IL6ST: variants seen among roughly 807,000 people sequenced by gnomAD.
The protein encoded by IL6ST is interleukin 6 cytokine family signal transducer, also known as interleukin-6 receptor subunit beta.
A neutral mutation model predicts 91.3 loss-of-function variants in IL6ST; 24 were observed. The ratio of observed to expected loss-of-function variants is 0.26; its 90% CI spans 0.19 to 0.37. The LOEUF is 0.37. Ranked by LOEUF, IL6ST falls within the 10% of genes least tolerant of loss-of-function variation. IL6ST has a pLI of 1.00. For synonymous variants in IL6ST, 351 were observed against 373.6 expected, an observed-to-expected ratio of 0.94 and a Z score of 0.70; for missense variants, 914 against 1,078.5, an observed-to-expected ratio of 0.85 and a Z score of 2.14.
intron 5 of IL6ST, among the ~76,000 whole-genome samples, chr5:55,965,975 G>A (rs945974768): frequency 7.9e-5 from 12 of 152,212 alleles, no homozygotes; most frequent in African/African-American, 2.6e-4. Flanking sequence ...GAGGATACTA[G>A]GGAATCAACT....
At chr5:55,947,464 A>T in intron 15 of IL6ST, 29 bp downstream of exon 15, 1 of 1,237,506 alleles carries the variant, frequency 8.1e-7, no homozygotes, top group Non-Finnish European at 1.2e-6. Context: ...GCTGGGGGAA[A>T]ATGCAAAAAT....
intron 1 of IL6ST, among the ~76,000 whole-genome samples, chr5:55,987,347 G>A (rs1426766174): frequency 6.6e-6 from 1 of 152,138 alleles, no homozygotes; most frequent in Non-Finnish European, 1.5e-5. Flanking sequence ...CAAGTATTTA[G>A]CCTAAAATAA....
chr5:55,949,829 TATC>T (rs1229689832), intron 14 of IL6ST, among the ~76,000 whole-genome samples: 3 of 152,206 alleles, frequency 2.0e-5, no homozygotes, highest in Non-Finnish European at 4.4e-5. Flanking sequence ...ATTTACTACT[TATC>T]ATTAACTAGG....
rs11574768 is a variant in IL6ST, at chr5:55,968,836, A to C, written c.371-440T>G. Among the ~76,000 whole-genome samples the C allele has an allele frequency of 1.0e-3, 152 of 152,310 alleles. 2 individuals are homozygous for C. The Middle Eastern group carries it at 0.014, about 14-fold the overall frequency. ...AGAAAAGCAAATGCCAAAACAGTAA[A>C]GTCTGGGTGATCCACAAATTAGATA... On this transcript the variant is annotated intron_variant, in intron 4 of 16. Transcript: ENST00000381298.
Position 55,940,252 on chromosome 5 carries a change from A to G in IL6ST, c.*830T>C, listed in dbSNP as rs1316073952. The G allele has an allele frequency of 4.7e-6, 1 of 211,270 alleles. No homozygotes were observed. The highest frequency in any genetic ancestry group is 5.9e-5 in the Admixed American group (1 of 17,014). 13.1% of individuals were successfully genotyped at this position (211,270 alleles called of 1,614,324 possible). On this transcript the variant is annotated 3_prime_UTR_variant, in exon 17 of 17. Transcript: ENST00000381298. ...ACTACTTCCTGTTTTCCCCTTTACT[A>G]CTACAATTTAAGCCTTTAAAAATGG... is the stretch of plus-strand genomic sequence containing the variant.
chr5:55,958,783 G>C (rs1752132644), intron 8 of IL6ST, among the ~76,000 whole-genome samples: 1 of 150,038 alleles, frequency 6.7e-6, no homozygotes, highest in Non-Finnish European at 1.5e-5. Flanking sequence ...AGGCTGCAGC[G>C]AGCCGTGTTC....
chr5:55,949,090 T>C (rs1338362972), intron 14 of IL6ST: 1 of 152,272 alleles, frequency 6.6e-6, no homozygotes, highest in African/African-American at 2.4e-5. Flanking sequence ...TACACAAATA[T>C]GTTATTTTGG....
In IL6ST at chr5:55,935,644, G is replaced by C. The variant is rs1332943974; in HGVS notation, c.*5438C>G. 4.6e-6 allele frequency: 1 copy of C among 219,420 alleles called. No homozygotes were observed. The highest frequency in any genetic ancestry group is 9.1e-6 in the Non-Finnish European group (1 of 109,470). 13.6% of individuals were successfully genotyped at this position (219,420 alleles called of 1,614,324 possible). A position where few individuals can be genotyped will look rare whatever the true frequency, so the allele number is the denominator to read the frequency against. ...TCTTTTTCTACCTCAGTTCCTCTTT[G>C]CTTGTAGTCTTTCACTCCATTAACT... is the stretch of plus-strand genomic sequence containing the variant. On this transcript the variant is annotated 3_prime_UTR_variant, in exon 17 of 17. Transcript: ENST00000381298.
rs1205716279 is a variant in IL6ST at position 55,941,762 on chromosome 5, C to A, written c.2077G>T (p.Val693Phe). 5 of 1,613,536 alleles carry A rather than the reference C, an allele frequency of 3.1e-6. No individual in the cohort carries two copies. The Admixed American group carries it at 8.3e-5, about 27-fold the overall frequency. ...TTGTCATTTGCTTCTATTTCCACAACACTTACATCAGTGAAATTGCCATCT... is the reference window on the plus strand; with the variant it reads ...TTGTCATTTGCTTCTATTTCCACAAAACTTACATCAGTGAAATTGCCATCT... ...YSDGNFTDVS[V>F]VEIEANDKKP... is the part of the protein sequence containing the mutation. Residue 693 changes from valine (V) to phenylalanine (F), a missense_variant, in exon 17 of 17, where the codon GTT (valine) becomes TTT (phenylalanine). Coordinates refer to ENST00000381298, the MANE Select transcript of IL6ST (RefSeq NM_002184.4).
At chr5:55,993,892 T>C (rs971405106) in intron 1 of IL6ST, among the ~76,000 whole-genome samples, 6 of 152,158 alleles carry the variant, frequency 3.9e-5, no homozygotes, top group Admixed American at 1.3e-4. Context: ...CTGGCAGTCA[T>C]ACACAGTTTA....
rs1005107061 is a variant in IL6ST at position 55,954,921 on chromosome 5, T to A, written c.1339A>T (p.Arg447Trp). The A allele has an allele frequency of 6.2e-7, 1 of 1,612,916 alleles. No homozygotes were observed. The highest frequency in any genetic ancestry group is 8.5e-7 in the Non-Finnish European group (1 of 1,179,072). The change falls in exon 11 of 17, where the codon AGG (arginine) becomes TGG (tryptophan). Residue 447 changes from arginine (R) to tryptophan (W), a missense_variant. Physicochemically the swap from Arg to Trp is moderately radical, Grantham distance 101. Coordinates refer to ENST00000381298, the MANE Select transcript of IL6ST (RefSeq NM_002184.4). ...NMLWVEWTTP[R>W]ESVKKYILEW... ...AGTATATATTTCTTTACAGATTCCCTTGGAGTAGTCCATTCCACCCAAAGC... is the reference window on the plus strand; with the variant it reads ...AGTATATATTTCTTTACAGATTCCCATGGAGTAGTCCATTCCACCCAAAGC...
At chr5:55,971,280 T>C (rs1752949867) in intron 3 of IL6ST, among the ~76,000 whole-genome samples, 1 of 152,176 alleles carries the variant, frequency 6.6e-6, no homozygotes, top group South Asian at 2.1e-4. Context: ...TTAACAATAG[T>C]GCACTGTATT....
intron 15 of IL6ST, among the ~76,000 whole-genome samples, chr5:55,943,703 A>G (rs886669965): frequency 5.9e-5 from 9 of 152,168 alleles, no homozygotes; most frequent in Admixed American, 2.6e-4. Context: ...ACACCCATTC[A>G]TGATAAAAAT....
rs780160178 is a variant in IL6ST at position 55,963,429 on chromosome 5, T to C, written c.736A>G (p.Asn246Asp). ...LSSILKLTWT[N>D]PSIKSVIILK... is the part of the protein sequence containing the mutation. Reference sequence around the variant, plus strand: ...ATTATAACACTCTTAATACTTGGGTTGGTCCATGTCAATTTTAAGATACTA... The same window carrying C: ...ATTATAACACTCTTAATACTTGGGTCGGTCCATGTCAATTTTAAGATACTA... Residue 246 changes from asparagine to aspartate, a missense_variant, in exon 7 of 17, where the codon AAC (asparagine) becomes GAC (aspartate). By Grantham distance (23) the Asn-to-Asp change is conservative. Coordinates refer to ENST00000381298, the MANE Select transcript of IL6ST (RefSeq NM_002184.4). 8.1e-6 allele frequency: 13 copies of C among 1,602,232 alleles called. No homozygotes were observed. Among genetic ancestry groups the C allele is most frequent in the Middle Eastern group, 3.4e-4 (2 of 5,962 alleles).
intron 3 of IL6ST, among the ~76,000 whole-genome samples, chr5:55,970,157 T>C (rs1752878460): frequency 6.6e-6 from 1 of 152,198 alleles, no homozygotes. Flanking sequence ...TGATTCATAC[T>C]TGCCCCACAA....
Position 55,941,025 on chromosome 5 carries a change from T to A in IL6ST, c.*57A>T. The A allele has an allele frequency of 1.3e-6, 2 of 1,483,094 alleles. No homozygotes were observed. Among genetic ancestry groups the A allele is most frequent in the Non-Finnish European group, 1.8e-6 (2 of 1,102,256 alleles). The allele number at this position is 1,483,094 out of a possible 1,614,324, so 91.9% of individuals were successfully genotyped here. A position where few individuals can be genotyped will look rare whatever the true frequency, so the allele number is the denominator to read the frequency against. On this transcript the variant is annotated 3_prime_UTR_variant, in exon 17 of 17. Coordinates refer to ENST00000381298, the MANE Select transcript of IL6ST (RefSeq NM_002184.4). The stretch of plus-strand genomic sequence containing the variant: ...TTAAAATCTGAATTCACAGATAAAA[T>A]CATTTTAGCTTTACTTTATAGGTAC...
At chr5:55,989,306 G>T (rs539232095) in intron 1 of IL6ST, among the ~76,000 whole-genome samples, 108 of 152,138 alleles carry the variant, frequency 7.1e-4, no homozygotes, top group Non-Finnish European at 2.4e-4. Flanking sequence ...CTCATTTGCT[G>T]GGAAAATAAA....
At chr5:55,960,645 T>G (rs77442249) in intron 7 of IL6ST, 84 bp from the exon 8 acceptor site, 2 of 1,324,156 alleles carry the variant, frequency 1.5e-6, no homozygotes, top group African/African-American at 3.0e-5. Flanking sequence ...CTTTTTTTTT[T>G]GAGGCACAGC....
rs562271733 is a variant in IL6ST, at chr5:55,994,830, C to T, written c.-150G>A. On this transcript the variant is annotated 5_prime_UTR_variant, in exon 1 of 17. Transcript: ENST00000381298. The stretch of plus-strand genomic sequence containing the variant: ...CCTCCGCGTCTCCACAGCGCACGAA[C>T]CCCTTGGCGCCAGGCTGGGCCAGAC... The T allele has an allele frequency of 6.6e-6, 1 of 152,556 alleles. No homozygotes were observed. The highest frequency in any genetic ancestry group is 1.5e-5 in the Non-Finnish European group (1 of 68,232). The allele number at this position is 152,556 out of a possible 1,614,324, so 9.5% of individuals were successfully genotyped here.
Sources: allele counts gnomAD v4.1 joint callset (sites outside exome capture counted in the v4.1 genomes callset), GRCh38; gene constraint gnomAD v4.1.1; transcripts MANE v1.5; gene names NCBI Gene and HGNC (gene_info 2026-07-23, HGNC 2026-07-21).